Variants in SCN3A observed in about 807,000 individuals in gnomAD.
The protein encoded by SCN3A is sodium channel protein type 3 subunit alpha.
SCN3A carries 60 observed loss-of-function variants against 187.6 expected under a neutral mutation model. The observed-to-expected ratio is 0.32, with a 90% CI of 0.26 to 0.40. SCN3A has a LOEUF of 0.40. Among genes scored for constraint, SCN3A ranks in the 10% least tolerant of loss-of-function variants. The pLI is 1.00. For missense variants in SCN3A, 1,601 were observed against 2,428.2 expected (o/e 0.66, Z 7.16); for synonymous variants, 788 against 829.2 (o/e 0.95, Z 0.85).
At position 165,130,225 on chromosome 2, in the gene SCN3A, C is replaced by G. The variant is rs142517362; in HGVS notation, c.2637G>C (p.Val879=). 1.4e-4 allele frequency: 232 copies of G among 1,614,040 alleles called. No individual in the cohort carries two copies. The highest frequency in any genetic ancestry group is 1.8e-4 in the Non-Finnish European group (216 of 1,180,028). ...NMLIKIIGNS[V]GALGNLTLVL... ...CCAAGGTGAGGTTTCCTAGAGCCCC[C>G]ACAGAATTGCCAATGATCTTAATTA... is the stretch of plus-strand genomic sequence containing the variant. Residue 879 remains valine (V), a synonymous_variant, in exon 17 of 28, where the codon GTG becomes GTC. Transcript: ENST00000283254.
At chr2:165,181,662 C>A (rs1690881573) in intron 2 of SCN3A, among the ~76,000 whole-genome samples, 1 of 152,104 alleles carries the variant, frequency 6.6e-6, no homozygotes, top group African/African-American at 2.4e-5. Flanking sequence ...TCCCTTTGTT[C>A]ATTTTTGAGA....
In SCN3A at chr2:165,140,636, G is replaced by A. The variant is rs368418093; in HGVS notation, c.2019+15C>T. The A allele has an allele frequency of 1.2e-5, 20 of 1,604,540 alleles. No homozygotes were observed. The African/African-American group carries it at 2.5e-4, about 20-fold the overall frequency. ...GGTGAATAATGTCAGTAGCAGCTAG[G>A]TCATCTATTATCACCTCTGGGGGAA... On this transcript the variant is annotated intron_variant, in intron 13 of 27. Coordinates refer to ENST00000283254, the MANE Select transcript of SCN3A (RefSeq NM_006922.4). This position sits in a 1 kb window ranked among gnomAD's most constrained non-coding sequence, Gnocchi z 4.2.
intron 9 of SCN3A, among the ~76,000 whole-genome samples, chr2:165,158,099 G>T (rs901110221): frequency 1.3e-5 from 2 of 152,168 alleles, no homozygotes; most frequent in Non-Finnish European, 2.9e-5. Flanking sequence ...TGCTACTGGG[G>T]TGTCATTGCT....
chr2:165,120,700 C>A (rs1686625185), intron 18 of SCN3A, among the ~76,000 whole-genome samples: 1 of 151,884 alleles, frequency 6.6e-6, no homozygotes, highest in African/African-American at 2.4e-5. Context: ...TATGCATAAC[C>A]ATATCTTGAC....
intron 11 of SCN3A, among the ~76,000 whole-genome samples, chr2:165,148,711 C>T (rs1017476654): frequency 6.6e-6 from 1 of 151,814 alleles, no homozygotes; most frequent in Admixed American, 6.6e-5. Flanking sequence ...TGATATAAGA[C>T]AATACCCAGC....
In SCN3A at chr2:165,171,995, C is replaced by T. The variant is rs185803355; in HGVS notation, c.265-1447G>A. 2.6e-5 allele frequency among the ~76,000 whole-genome samples: 4 copies of T among 152,184 alleles called. No individual in the cohort carries two copies. In the East Asian group the frequency reaches 7.7e-4, roughly 29 times the overall value. On this transcript the variant is annotated intron_variant, in intron 3 of 27. Coordinates refer to ENST00000283254, the MANE Select transcript of SCN3A (RefSeq NM_006922.4). ...CATTTACTTAATAATATGTTTCTCT[C>T]CTTTAACTAGGGGCTATATGCCATA...
chr2:165,110,461 G>C lies in SCN3A; in HGVS notation c.3843+2424C>G, dbSNP rs113377190. Among the ~76,000 whole-genome samples, 692 of 152,264 alleles carry C rather than the reference G, an allele frequency of 4.5e-3. 6 individuals are homozygous for C. The highest frequency in any genetic ancestry group is 0.02 in the East Asian group (103 of 5,192). ...TTTCGAAAGATACATTTGAAAGGAA[G>C]TTTATTTGGTGTTCTGTTTATTTTC... On this transcript the variant is annotated intron_variant, in intron 21 of 27. Transcript: ENST00000283254.
At chr2:165,111,742 T>C (rs1686129444) in intron 21 of SCN3A, among the ~76,000 whole-genome samples, 1 of 152,224 alleles carries the variant, frequency 6.6e-6, no homozygotes, top group Non-Finnish European at 1.5e-5. Context: ...CCACTCTAGC[T>C]GCGGAATGTG....
Position 165,089,237 on chromosome 2 carries a change from A to G in SCN3A, c.*913T>C, listed in dbSNP as rs1684967424. 6.6e-6 allele frequency: 1 copy of G among 152,646 alleles called. No individual in the cohort carries two copies. Among genetic ancestry groups the G allele is most frequent in the Non-Finnish European group, 1.5e-5 (1 of 68,002 alleles). The allele number at this position is 152,646 out of a possible 1,614,324, so 9.5% of individuals were successfully genotyped here. On this transcript the variant is annotated 3_prime_UTR_variant, in exon 28 of 28. Transcript: ENST00000283254. ...ACCACAGGATAAAATAACTATTTACATAACATAGGGTATTTAATTGACATA... is the reference window on the plus strand; with the variant it reads ...ACCACAGGATAAAATAACTATTTACGTAACATAGGGTATTTAATTGACATA...
intron 11 of SCN3A, among the ~76,000 whole-genome samples, chr2:165,154,208 C>T (rs1216302886): frequency 6.6e-6 from 1 of 151,738 alleles, no homozygotes; most frequent in African/African-American, 2.4e-5. Context: ...GAGACAATTC[C>T]ATAGTAAACC....
At position 165,088,900 on chromosome 2, in the gene SCN3A, A is replaced by G. The variant is rs1447802490; in HGVS notation, c.*1250T>C. On this transcript the variant is annotated 3_prime_UTR_variant, in exon 28 of 28. Coordinates refer to ENST00000283254, the MANE Select transcript of SCN3A (RefSeq NM_006922.4). ...TACCATATGATACTCATGTTGAATT[A>G]AAAGTGCAAAAGTAAAGGTGTTTGT... 1 of 152,580 alleles carries G rather than the reference A, an allele frequency of 6.6e-6. No individual in the cohort carries two copies. Among genetic ancestry groups the G allele is most frequent in the Non-Finnish European group, 1.5e-5 (1 of 67,996 alleles). The allele number at this position is 152,580 out of a possible 1,614,324, so 9.5% of individuals were successfully genotyped here. A position where few individuals can be genotyped will look rare whatever the true frequency, so the allele number is the denominator to read the frequency against.
chr2:165,099,254 TGCTGAATTCTACCGA>T (rs1196078130), intron 22 of SCN3A, among the ~76,000 whole-genome samples: 9 of 152,170 alleles, frequency 5.9e-5, no homozygotes, highest in Non-Finnish European at 1.2e-4. Context: ...CTGGCCTTTG[TGCTGAATTCTACCGA>T]GGGGCATGGC....
At position 165,115,448 on chromosome 2, in the gene SCN3A, T is replaced by G; in HGVS notation, c.3514+7A>C. On this transcript the variant is annotated splice_region_variant and intron_variant, in intron 19 of 27. Transcript: ENST00000283254. ...GATTGTATTTAATCACATCAGAGCTTGTTTACCTTCAGTAAAACAAGCTTC... is the reference window on the plus strand; with the variant it reads ...GATTGTATTTAATCACATCAGAGCTGGTTTACCTTCAGTAAAACAAGCTTC... The G allele has an allele frequency of 6.2e-7, 1 of 1,613,898 alleles. No individual in the cohort carries two copies. The highest frequency in any genetic ancestry group is 8.5e-7 in the Non-Finnish European group (1 of 1,179,890).
intron 21 of SCN3A, among the ~76,000 whole-genome samples, 189 bp from the exon 22 acceptor site, chr2:165,100,613 A>T (rs542806353): frequency 2.8e-4 from 42 of 152,082 alleles, no homozygotes; most frequent in African/African-American, 8.9e-4. Flanking sequence ...TTTTTAACCA[A>T]TGAAACCAGA....
intron 21 of SCN3A, among the ~76,000 whole-genome samples, chr2:165,102,336 C>A (rs146447440): frequency 2.0e-4 from 30 of 152,178 alleles, no homozygotes; most frequent in African/African-American, 6.7e-4. Context: ...TAGAGTGAGA[C>A]CTTATCTCAA....
At chr2:165,098,135 T>C (rs1266072432) in intron 22 of SCN3A, among the ~76,000 whole-genome samples, 1 of 152,160 alleles carries the variant, frequency 6.6e-6, no homozygotes, top group Non-Finnish European at 1.5e-5. Context: ...AAGTTCCCAT[T>C]ATTATTACTT....
At chr2:165,154,144 TTTTA>T (rs936314795) in intron 11 of SCN3A, among the ~76,000 whole-genome samples, 7 of 151,852 alleles carry the variant, frequency 4.6e-5, no homozygotes, top group African/African-American at 1.7e-4. Context: ...GAAATATCAG[TTTTA>T]TTTCTTTTCT....
chr2:165,147,116 A>C, intron 11 of SCN3A, 87 bp from the exon 12 acceptor site: 1 of 1,463,778 alleles, frequency 6.8e-7, no homozygotes, highest in Middle Eastern at 1.8e-4. Context: ...TTTAAGACTC[A>C]TTAACTACAA....
intron 24 of SCN3A, 61 bp from the exon 25 acceptor site, chr2:165,095,709 A>C (rs1685333738): frequency 1.0e-6 from 1 of 992,954 alleles, no homozygotes. Flanking sequence ...ACACTAAATC[A>C]GTAATTTATT....
Sources: gnomAD v4.1 joint callset for allele counts (sites outside exome capture counted in the v4.1 genomes callset) on GRCh38, gnomAD v4.1.1 for gene constraint, Gnocchi (gnomAD v3.1) non-coding constraint, MANE v1.5 for transcripts, NCBI Gene and HGNC (gene_info 2026-07-23, HGNC 2026-07-21) for gene names.